Variants in LMNTD2 observed in about 807,000 individuals in gnomAD.
The protein encoded by LMNTD2 is lamin tail domain containing 2, also known as lamin tail domain-containing protein 2.
A neutral mutation model predicts 70.1 loss-of-function variants in LMNTD2; 83 were observed. The ratio of observed to expected loss-of-function variants is 1.18; its 90% CI spans 0.99 to 1.42. The LOEUF (loss-of-function observed/expected upper bound fraction) is 1.42, where lower values mean the gene tolerates loss of function less well. Among genes scored for constraint, LMNTD2 ranks in the 40% most tolerant of loss-of-function variants. The pLI is 0.00. For missense variants in LMNTD2, 1,153 were observed against 905.9 expected, an observed-to-expected ratio of 1.27 and a Z score of -3.50; for synonymous variants, 534 against 406.1, an observed-to-expected ratio of 1.31 and a Z score of -3.79.
Position 557,015 on chromosome 11 carries a change from C to G in LMNTD2, c.796G>C (p.Glu266Gln). The G allele has an allele frequency of 6.2e-7, 1 of 1,609,500 alleles. No individual in the cohort carries two copies. The highest frequency in any genetic ancestry group is 1.3e-5 in the African/African-American group (1 of 75,012). Reference protein sequence around the residue: ...KHSERHHKTVEWGSLPCLNTS... With the variant: ...KHSERHHKTVQWGSLPCLNTS... Reference sequence around the variant, plus strand: ...TTCAGACAGGGCAGGGAGCCCCACTCCACGGTCTTGTGATGCCGCTCGGAA... The same window carrying G: ...TTCAGACAGGGCAGGGAGCCCCACTGCACGGTCTTGTGATGCCGCTCGGAA... Residue 266 changes from glutamate (E) to glutamine (Q), a missense_variant, in exon 8 of 14, where the codon GAG (glutamate) becomes CAG (glutamine). Physicochemically the swap from Glu to Gln is conservative, Grantham distance 29 (BLOSUM62 2). Transcript: ENST00000329451.
At position 555,369 on chromosome 11, in the gene LMNTD2, G is replaced by A. The variant is rs890779103; in HGVS notation, c.1709C>T (p.Ser570Leu). Residue 570 changes from serine (S) to leucine (L), a missense_variant, in exon 13 of 14, where the codon TCG (serine) becomes TTG (leucine). By Grantham distance (145) the Ser-to-Leu change is moderately radical. Coordinates refer to ENST00000329451, the MANE Select transcript of LMNTD2 (RefSeq NM_173573.3). ...PAIPGDPTLP[S>L]PPAEAGLGLE... Reference sequence around the variant, plus strand: ...GCCCAGCCCGGCCTCTGCGGGAGGCGACGGCAGGGTGGGGTCACCCGGGAT... The same window carrying A: ...GCCCAGCCCGGCCTCTGCGGGAGGCAACGGCAGGGTGGGGTCACCCGGGAT... 10 of 1,416,468 alleles carry A rather than the reference G, an allele frequency of 7.1e-6. No individual in the cohort carries two copies. The highest frequency in any genetic ancestry group is 6.0e-5 in the African/African-American group (4 of 66,298). The allele number at this position is 1,416,468 out of a possible 1,614,324, so 87.7% of individuals were successfully genotyped here.
At chr11:558,568 C>T (rs532968713) in intron 3 of LMNTD2, 46 bp downstream of exon 3, 4 of 1,548,746 alleles carry the variant, frequency 2.6e-6, no homozygotes, top group African/African-American at 1.4e-5. Context: ...GGAGTCCGGG[C>T]GAGGACAGGG....
chr11:557,719 G>C, intron 5 of LMNTD2, 79 bp from the exon 6 acceptor site: 1 of 1,604,466 alleles, frequency 6.2e-7, no homozygotes, highest in Middle Eastern at 1.8e-4. Flanking sequence ...CCTCACCTGT[G>C]CTTTGAGGCC....
rs768967177 is a variant in LMNTD2 at position 558,181 on chromosome 11, GTTCC to G, written c.375_378del (p.Lys125AsnfsTer61). 4 of 1,613,544 alleles carry G rather than the reference GTTCC, an allele frequency of 2.5e-6. No homozygotes were observed. Among genetic ancestry groups the G allele is most frequent in the South Asian group, 1.1e-5 (1 of 91,092 alleles). ...CTCACCCACTGGGCTCGCTCCTTCT[GTTCC>G]TTCAACTCCTGGATCAGCTTCTGGA... On this transcript the variant is annotated frameshift_variant, in exon 4 of 14. Transcript: ENST00000329451. LOFTEE classifies it high-confidence loss of function.
At chr11:560,345 G>A in intron 1 of LMNTD2, 1 of 1,139,152 alleles carries the variant, frequency 8.8e-7, no homozygotes, top group Non-Finnish European at 1.1e-6. Context: ...GGTCCAAAAG[G>A]GGCAGGAAGG....
Position 555,778 on chromosome 11 carries a change from G to C in LMNTD2, c.1530C>G (p.Arg510=), listed in dbSNP as rs1411135204. 7 of 1,486,422 alleles carry C rather than the reference G, an allele frequency of 4.7e-6. No individual in the cohort carries two copies. In the South Asian group the frequency reaches 7.9e-5, roughly 17 times the overall value. 92.1% of individuals were successfully genotyped at this position (1,486,422 alleles called of 1,614,324 possible). A position where few individuals can be genotyped will look rare whatever the true frequency, so the allele number is the denominator to read the frequency against. ...CCCGGGGCTCCCGCACCCGGCCTTT[G>C]CGCAGGGGTCGAGGTGGGCGCGGCG... ...RKPPRPPRPL[R]KGRVREPRVS... The change falls in exon 12 of 14, where the codon CGC becomes CGG. Residue 510 remains arginine, a synonymous_variant. Coordinates refer to ENST00000329451, the MANE Select transcript of LMNTD2 (RefSeq NM_173573.3).
Position 556,890 on chromosome 11 carries a change from G to T in LMNTD2, c.921C>A (p.Arg307=). Residue 307 remains arginine, a synonymous_variant, in exon 8 of 14, where the codon CGC becomes CGA. Transcript: ENST00000329451. Reference sequence around the variant, plus strand: ...GCACCAGCGCTTGCTCGGAGGAAGCGCGGTGGTCCCGGGGCGGGTGCCCTA... The same window carrying T: ...GCACCAGCGCTTGCTCGGAGGAAGCTCGGTGGTCCCGGGGCGGGTGCCCTA... ...QVIGHPPRDH[R]ASSEQALVQA... The T allele has an allele frequency of 2.5e-6, 4 of 1,596,392 alleles. No homozygotes were observed. The South Asian group carries it at 4.5e-5, about 18-fold the overall frequency.
chr11:555,344 G>T lies in LMNTD2; in HGVS notation c.1734C>A (p.Gly578=). The T allele has an allele frequency of 2.1e-6, 3 of 1,422,950 alleles. No homozygotes were observed. The highest frequency in any genetic ancestry group is 9.2e-7 in the Non-Finnish European group (1 of 1,091,002). The allele number at this position is 1,422,950 out of a possible 1,614,324, so 88.1% of individuals were successfully genotyped here. A position where few individuals can be genotyped will look rare whatever the true frequency, so the allele number is the denominator to read the frequency against. The change falls in exon 13 of 14, where the codon GGC becomes GGA. Residue 578 remains glycine (G), a synonymous_variant. Transcript: ENST00000329451. ...CTTTCTGGAGCCGACAGTCCTCCAG[G>T]CCCAGCCCGGCCTCTGCGGGAGGCG... ...LPSPPAEAGL[G]LEDCRLQKEH...
intron 1 of LMNTD2, 50 bp downstream of exon 1, chr11:560,633 A>G: frequency 1.5e-6 from 2 of 1,349,694 alleles, no homozygotes; most frequent in South Asian, 1.7e-5. Flanking sequence ...AACCCGCCAC[A>G]CTAGAAGGCT....
At position 557,009 on chromosome 11, in the gene LMNTD2, C is replaced by T; in HGVS notation, c.802G>A (p.Gly268Ser). The part of the protein sequence containing the change: ...SERHHKTVEW[G>S]SLPCLNTSSS... The stretch of plus-strand genomic sequence containing the variant: ...CTGGTGTTCAGACAGGGCAGGGAGC[C>T]CCACTCCACGGTCTTGTGATGCCGC... The change falls in exon 8 of 14, where the codon GGC becomes AGC. Residue 268 changes from glycine (G) to serine (S), a missense_variant. Transcript: ENST00000329451. 6.2e-7 allele frequency: 1 copy of T among 1,609,114 alleles called. No homozygotes were observed. Among genetic ancestry groups the T allele is most frequent in the African/African-American group, 1.3e-5 (1 of 75,006 alleles).
chr11:558,381 G>T, intron 3 of LMNTD2, 133 bp from the exon 4 acceptor site: 1 of 1,121,928 alleles, frequency 8.9e-7, no homozygotes, highest in Non-Finnish European at 1.2e-6. Flanking sequence ...GTACAGCCCC[G>T]CTGGGGCTGG....
At chr11:556,653 G>A (rs1401206358) in intron 8 of LMNTD2, 65 bp from the exon 9 acceptor site, 3 of 1,433,918 alleles carry the variant, frequency 2.1e-6, no homozygotes, top group Non-Finnish European at 2.8e-6. Flanking sequence ...TGTTCCCCGT[G>A]AGGTCAGAAC....
Position 558,715 on chromosome 11 carries a change from C to A in LMNTD2, c.210G>T (p.Gln70His). Residue 70 changes from glutamine (Q) to histidine (H), a missense_variant, in exon 3 of 14, where the codon CAG becomes CAT. Gln to His is a conservative substitution (Grantham distance 24). Coordinates refer to ENST00000329451, the MANE Select transcript of LMNTD2 (RefSeq NM_173573.3). Reference protein sequence around the residue: ...DPRTLRLLWRQRELEIQALRW... With the variant: ...DPRTLRLLWRHRELEIQALRW... ...GCAAGGCCTGGATCTCCAGTTCTCG[C>A]TGTCTCCACAGCAGCCGCAGTGTGC... 1 of 1,607,278 alleles carries A rather than the reference C, an allele frequency of 6.2e-7. No homozygotes were observed. The highest frequency in any genetic ancestry group is 8.5e-7 in the Non-Finnish European group (1 of 1,177,786).
At position 560,674 on chromosome 11, in the gene LMNTD2, G is replaced by C. The variant is rs767294419; in HGVS notation, c.34+9C>G. 23 of 1,433,750 alleles carry C rather than the reference G, an allele frequency of 1.6e-5. No individual in the cohort carries two copies. In the African/African-American group the frequency reaches 2.5e-4, roughly 16 times the overall value. The allele number at this position is 1,433,750 out of a possible 1,614,324, so 88.8% of individuals were successfully genotyped here. On this transcript the variant is annotated intron_variant, in intron 1 of 13. Transcript: ENST00000329451. ...GGAAGTCGGCCCAGGAGCGGGGCCA[G>C]ACACCTACCCCGACGCCTGCCCGCG...
At chr11:559,799 G>C (rs990154593) in intron 1 of LMNTD2, 1 of 1,025,922 alleles carries the variant, frequency 9.7e-7, no homozygotes, top group Admixed American at 4.7e-5. Context: ...TTGCTCCGCT[G>C]TCCAGGCTGG....
chr11:554,864 A>G lies in LMNTD2; in HGVS notation c.*116T>C, dbSNP rs1483153317. 2 of 718,790 alleles carry G rather than the reference A, an allele frequency of 2.8e-6. No homozygotes were observed. The highest frequency in any genetic ancestry group is 4.2e-6 in the Non-Finnish European group (2 of 471,826). The allele number at this position is 718,790 out of a possible 1,614,324, so 44.5% of individuals were successfully genotyped here. A position where few individuals can be genotyped will look rare whatever the true frequency, so the allele number is the denominator to read the frequency against. On this transcript the variant is annotated 3_prime_UTR_variant, in exon 14 of 14. Coordinates refer to ENST00000329451, the MANE Select transcript of LMNTD2 (RefSeq NM_173573.3). ...ATTTCCAGCTCTCAGGTGTACAGAAATGCGGTTTACTTTGTAGGCCACGTT... is the reference window on the plus strand; with the variant it reads ...ATTTCCAGCTCTCAGGTGTACAGAAGTGCGGTTTACTTTGTAGGCCACGTT...
Position 554,990 on chromosome 11 carries a change from C to CGGCAGGTG in LMNTD2, c.1887_1894dup (p.Arg632ProfsTer43). On this transcript the variant is annotated frameshift_variant, in exon 14 of 14. Transcript: ENST00000329451. LOFTEE classifies it high-confidence loss of function. ...CCCACTCCTCCGCCCCTAGGCGCCG[C>CGGCAGGTG]GGCAGGTGTCCGCGGTGACCGGCAG... 6.3e-7 allele frequency: 1 copy of CGGCAGGTG among 1,584,088 alleles called. No homozygotes were observed. The highest frequency in any genetic ancestry group is 8.6e-7 in the Non-Finnish European group (1 of 1,169,070).
At position 555,025 on chromosome 11, in the gene LMNTD2, G is replaced by C; in HGVS notation, c.1860C>G (p.Phe620Leu). The change falls in exon 14 of 14, where the codon TTC becomes TTG. Residue 620 changes from phenylalanine (F) to leucine (L), a missense_variant. Physicochemically the swap from Phe to Leu is conservative, Grantham distance 22. Transcript: ENST00000329451. ...NTAESRFGFR[F>L]LSCLPVTADT... ...CCGCGGTGACCGGCAGGCAGCTGAG[G>C]AAGCGGAAGCCGAATCTGCTCTCCG... The C allele has an allele frequency of 1.3e-6, 2 of 1,593,308 alleles. No homozygotes were observed. Among genetic ancestry groups the C allele is most frequent in the Non-Finnish European group, 1.7e-6 (2 of 1,173,188 alleles).
chr11:558,150 C>T lies in LMNTD2; in HGVS notation c.399+11G>A. ...CCAGGACCCTGCCCACTCCCTGTGC[C>T]CCTGCCTCACCCACTGGGCTCGCTC... On this transcript the variant is annotated intron_variant, in intron 4 of 13. Coordinates refer to ENST00000329451, the MANE Select transcript of LMNTD2 (RefSeq NM_173573.3). 6.2e-7 allele frequency: 1 copy of T among 1,612,928 alleles called. No homozygotes were observed. Among genetic ancestry groups the T allele is most frequent in the East Asian group, 2.2e-5 (1 of 44,886 alleles).
Sources: allele counts gnomAD v4.1 joint callset, GRCh38; gene constraint gnomAD v4.1.1; transcripts MANE v1.5; gene names NCBI Gene and HGNC (gene_info 2026-07-23, HGNC 2026-07-21).